PPHLN1: variants seen among roughly 807,000 people sequenced by gnomAD.
PPHLN1 encodes the protein periphilin 1, also known as periphilin-1.
In PPHLN1, 29 loss-of-function variants were observed where a neutral mutation model predicts 51.3. That is an observed-to-expected ratio of 0.57 (90% CI 0.42 to 0.77). The LOEUF (loss-of-function observed/expected upper bound fraction) is 0.77. PPHLN1 is among the 30% of genes least tolerant of loss of function. The pLI, the probability that PPHLN1 is intolerant of heterozygous loss-of-function variation, is 0.00. For synonymous variants in PPHLN1, 147 were observed against 147.8 expected (o/e 0.99, Z 0.04); for missense variants, 436 against 438.4 (o/e 0.99, Z 0.05).
intron 7 of PPHLN1, 96 bp from the exon 8 acceptor site, chr12:42,393,473 CT>C: frequency 8.3e-7 from 1 of 1,208,394 alleles, no homozygotes; most frequent in Non-Finnish European, 1.1e-6. Flanking sequence ...AATTTGGAGG[CT>C]TATATGATTT....
rs781432430 is a variant in PPHLN1, at chr12:42,393,729, T to A, written c.768+40T>A. On this transcript the variant is annotated intron_variant, in intron 8 of 9. Coordinates refer to ENST00000358314, the MANE Select transcript of PPHLN1 (RefSeq NM_201439.2). ...CTCCTTTATGTTTCACATCTGAAAGTTTTGTCTGGATTTTAAATTATGGGC... is the reference window on the plus strand; with the variant it reads ...CTCCTTTATGTTTCACATCTGAAAGATTTGTCTGGATTTTAAATTATGGGC... The A allele has an allele frequency of 5.9e-6, 9 of 1,531,538 alleles. No individual in the cohort carries two copies. In the African/African-American group the frequency reaches 1.3e-4, roughly 21 times the overall value. The allele number at this position is 1,531,538 out of a possible 1,614,324, so 94.9% of individuals were successfully genotyped here.
intron 6 of PPHLN1, 42 bp downstream of exon 6, chr12:42,385,038 T>G: frequency 6.5e-7 from 1 of 1,534,852 alleles, no homozygotes; most frequent in South Asian, 1.1e-5. Flanking sequence ...TGTGAAGGGG[T>G]GGGAGACTTG....
intron 4 of PPHLN1, among the ~76,000 whole-genome samples, chr12:42,356,197 C>G (rs1166640672): frequency 6.6e-6 from 1 of 152,216 alleles, no homozygotes; most frequent in Non-Finnish European, 1.5e-5. Context: ...AAGGCATCAA[C>G]TGTCACAACT....
chr12:42,359,703 AC>A (rs1477553329), intron 4 of PPHLN1: 1 of 152,250 alleles, frequency 6.6e-6, no homozygotes, highest in African/African-American at 2.4e-5. Flanking sequence ...GAGAATTGTT[AC>A]ATCTATTGGT....
In PPHLN1 at chr12:42,441,526, T is replaced by TAA. The variant is rs60616542; in HGVS notation, c.*31_*32dup. 8.0e-4 allele frequency: 1,074 copies of TAA among 1,342,686 alleles called. No individual in the cohort carries two copies. Among genetic ancestry groups the TAA allele is most frequent in the South Asian group, 2.7e-3 (164 of 60,298 alleles). 83.2% of individuals were successfully genotyped at this position (1,342,686 alleles called of 1,614,324 possible). On this transcript the variant is annotated 3_prime_UTR_variant, in exon 10 of 10. Coordinates refer to ENST00000358314, the MANE Select transcript of PPHLN1 (RefSeq NM_201439.2). The stretch of plus-strand genomic sequence containing the variant: ...CCTTTTTAGATTTTTCTGCTCAGGC[T>TAA]AAAAAAAAAAAAAAACAGTTTCTAA...
chr12:42,338,554 T>G (rs922627460), intron 2 of PPHLN1, among the ~76,000 whole-genome samples: 4 of 152,274 alleles, frequency 2.6e-5, no homozygotes, highest in African/African-American at 9.6e-5. Flanking sequence ...TTTGGTATGG[T>G]AGAAAGATAG....
In PPHLN1 at chr12:42,398,989, G is replaced by A. The variant is rs1002324575; in HGVS notation, c.904G>A (p.Glu302Lys). Residue 302 changes from glutamate to lysine, a missense_variant, in exon 9 of 10, where the codon GAA becomes AAA. Physicochemically the swap from Glu to Lys is moderately conservative, Grantham distance 56. Coordinates refer to ENST00000358314, the MANE Select transcript of PPHLN1 (RefSeq NM_201439.2). ...KAIASKTKEIEQVYRQDCETF... is the reference protein window; with the variant it reads ...KAIASKTKEIKQVYRQDCETF... ...AATAGCATCAAAAACCAAAGAGATTGAACAGGTGAGAGTCTAGTTGTCTTC... is the reference window on the plus strand; with the variant it reads ...AATAGCATCAAAAACCAAAGAGATTAAACAGGTGAGAGTCTAGTTGTCTTC... The A allele has an allele frequency of 7.4e-6, 12 of 1,613,556 alleles. No homozygotes were observed. In the African/African-American group the frequency reaches 1.6e-4, roughly 22 times the overall value.
At chr12:42,416,652 G>A (rs1052616737) in intron 9 of PPHLN1, among the ~76,000 whole-genome samples, 3 of 152,228 alleles carry the variant, frequency 2.0e-5, no homozygotes, top group Non-Finnish European at 4.4e-5. Context: ...CAGGAAGGAA[G>A]TGTTCTGTTT....
At chr12:42,408,891 C>T (rs2079554954) in intron 9 of PPHLN1, among the ~76,000 whole-genome samples, 1 of 152,120 alleles carries the variant, frequency 6.6e-6, no homozygotes, top group South Asian at 2.1e-4. Context: ...TACAGTAGTT[C>T]TCCCACTTAA....
downstream of PPHLN1, chr12:42,445,130 A>G (rs1229936516): frequency 1.3e-5 from 9 of 702,302 alleles, no homozygotes; most frequent in Non-Finnish European, 2.1e-5. Flanking sequence ...TGCTAAATCA[A>G]TGTACACATT....
chr12:42,434,316 A>G (rs1353283045), intron 9 of PPHLN1, among the ~76,000 whole-genome samples: 1 of 152,210 alleles, frequency 6.6e-6, no homozygotes, highest in Admixed American at 6.5e-5. Flanking sequence ...AGTATCAGGA[A>G]GAATAGCTAA....
intron 9 of PPHLN1, among the ~76,000 whole-genome samples, chr12:42,428,489 T>C (rs961820951): frequency 1.3e-5 from 2 of 152,182 alleles, no homozygotes; most frequent in African/African-American, 4.8e-5. Flanking sequence ...GAGACTGTTA[T>C]TCTAAGTGAA....
At chr12:42,394,217 C>T (rs17091176) in intron 8 of PPHLN1, among the ~76,000 whole-genome samples, 22,926 of 151,918 alleles carry the variant, frequency 0.15, 1,793 homozygotes, top group Admixed American at 0.2. Context: ...GTTTATGACA[C>T]GTTTGTATTA....
In PPHLN1 at chr12:42,389,398, A is replaced by AC. The variant is rs578091869; in HGVS notation, c.648+1863_648+1864insC. ...AAACAAAAACAAAAATAAACAAACA[A>AC]AAAAAAAAACAATTAGCCGGGTGTG... On this transcript the variant is annotated intron_variant, in intron 7 of 9. Transcript: ENST00000358314. Among the ~76,000 whole-genome samples, 208 of 114,110 alleles carry AC rather than the reference A, an allele frequency of 1.8e-3. 1 individual carries two copies. The highest frequency in any genetic ancestry group is 5.4e-3 in the South Asian group (19 of 3,516). The allele number at this position is 114,110 out of a possible 152,430, so 74.9% of individuals were successfully genotyped here. A position where few individuals can be genotyped will look rare whatever the true frequency, so the allele number is the denominator to read the frequency against.
At chr12:42,362,474 C>T (rs1308060894) in intron 4 of PPHLN1, among the ~76,000 whole-genome samples, 1 of 152,162 alleles carries the variant, frequency 6.6e-6, no homozygotes, top group Non-Finnish European at 1.5e-5. Context: ...GTTGTTTTGA[C>T]ATGTCCACGT....
intron 2 of PPHLN1, among the ~76,000 whole-genome samples, chr12:42,349,829 T>C (rs2072956318): frequency 6.6e-6 from 1 of 152,218 alleles, no homozygotes. Context: ...ACAGTCACAA[T>C]CTGATCTCTC....
At chr12:42,445,966 C>T (rs2140051962), downstream of PPHLN1, 6 of 1,484,094 alleles carry the variant, frequency 4.0e-6, no homozygotes, top group Non-Finnish European at 4.5e-6. Flanking sequence ...TGTTCACATC[C>T]CCTCAGGCCC....
At chr12:42,365,285 T>C (rs1302478499) in intron 4 of PPHLN1, among the ~76,000 whole-genome samples, 1 of 152,232 alleles carries the variant, frequency 6.6e-6, no homozygotes, top group Non-Finnish European at 1.5e-5. Flanking sequence ...TAATTCTTTT[T>C]GGAAGTCCCT....
At chr12:42,379,170 C>T (rs2076556371) in intron 5 of PPHLN1, among the ~76,000 whole-genome samples, 1 of 151,348 alleles carries the variant, frequency 6.6e-6, no homozygotes, top group Non-Finnish European at 1.5e-5. Context: ...TGTCATTTGC[C>T]TTTTATTTAA....
Sources: allele counts gnomAD v4.1 joint callset (sites outside exome capture counted in the v4.1 genomes callset), GRCh38; gene constraint gnomAD v4.1.1; transcripts MANE v1.5; gene names NCBI Gene and HGNC (gene_info 2026-07-23, HGNC 2026-07-21).